SPATA13: variants seen among roughly 807,000 people sequenced by gnomAD.
SPATA13 encodes spermatogenesis associated 13.
A neutral mutation model predicts 104.0 loss-of-function variants in SPATA13; 50 were observed. The ratio of observed to expected loss-of-function variants is 0.48; its 90% CI spans 0.38 to 0.61. SPATA13 has a LOEUF of 0.61. Ranked by LOEUF, SPATA13 falls within the 20% of genes least tolerant of loss-of-function variation. SPATA13 has a pLI of 0.00. For synonymous variants in SPATA13, 606 were observed against 667.5 expected (o/e 0.91, Z 1.42); for missense variants, 1,524 against 1,690.6 (o/e 0.90, Z 1.73).
At chr13:24,202,070 CTAAA>C (rs67125164) in intron 1 of SPATA13, among the ~76,000 whole-genome samples, 210 of 151,302 alleles carry the variant, frequency 1.4e-3, no homozygotes, top group African/African-American at 4.9e-3. Flanking sequence ...AAGACTCTGT[CTAAA>C]TAAATAAATA....
At position 24,302,579 on chromosome 13, in the gene SPATA13, C is replaced by T. The variant is rs1221046066; in HGVS notation, c.3659-19C>T. 3 of 1,554,854 alleles carry T rather than the reference C, an allele frequency of 1.9e-6. No homozygotes were observed. In the African/African-American group the frequency reaches 4.1e-5, roughly 21 times the overall value. On this transcript the variant is annotated intron_variant, in intron 12 of 12. Transcript: ENST00000382108. ...GCGACCCTCAGTCCCTGTTCCATCT[C>T]TCTCCCCTCCCGAGTCAGGCTACAA...
intron 3 of SPATA13, among the ~76,000 whole-genome samples, chr13:24,130,308 G>T (rs893517954): frequency 6.6e-6 from 1 of 152,146 alleles, no homozygotes; most frequent in Non-Finnish European, 1.5e-5. Context: ...AGTTCTTCTC[G>T]TTCCCAGTGT....
chr13:24,228,108 CTTTTTT>C (rs71186818), intron 2 of SPATA13, among the ~76,000 whole-genome samples: 5,534 of 102,154 alleles, frequency 0.054, 142 homozygotes, highest in Middle Eastern at 0.1. Context: ...CTCTTGTACT[CTTTTTT>C]TTTTTTTTTT....
rs147745718 is a variant in SPATA13 at position 24,258,483 on chromosome 13, A to G, written c.2164+6621A>G. ...CAAGTTTGAGACCAGCCTGGCCAAC[A>G]TGGCAAAACCCCATCTCTACTAAAA... On this transcript the variant is annotated intron_variant, in intron 4 of 12. Transcript: ENST00000382108. Among the ~76,000 whole-genome samples, 942 of 152,178 alleles carry G rather than the reference A, an allele frequency of 6.2e-3. 15 individuals are homozygous for G. The highest frequency in any genetic ancestry group is 0.021 in the African/African-American group (861 of 41,514).
intron 3 of SPATA13, among the ~76,000 whole-genome samples, chr13:24,150,939 G>A (rs1882083205): frequency 6.6e-6 from 1 of 152,090 alleles, no homozygotes; most frequent in Admixed American, 6.5e-5. Context: ...TTGACTGGGC[G>A]CCATGGCCCA....
intron 1 of SPATA13, among the ~76,000 whole-genome samples, chr13:24,200,157 GA>G: frequency 6.6e-6 from 1 of 152,136 alleles, no homozygotes; most frequent in East Asian, 1.9e-4. Flanking sequence ...ACAGTTTGAT[GA>G]ATACTATTGT....
intron 3 of SPATA13, among the ~76,000 whole-genome samples, chr13:24,154,390 T>C (rs1374547952): frequency 6.6e-6 from 1 of 152,150 alleles, no homozygotes; most frequent in Admixed American, 6.5e-5. Context: ...CATGGATGAA[T>C]CTCAGACATA....
chr13:24,123,139 C>G, intron 3 of SPATA13: 1 of 1,084,272 alleles, frequency 9.2e-7, no homozygotes, highest in Non-Finnish European at 1.4e-6. Context: ...TCATCATTTT[C>G]TGTTTCTCTG....
At chr13:23,980,023 T>G (rs1338708795) in intron 1 of SPATA13, 2 of 152,324 alleles carry the variant, frequency 1.3e-5, no homozygotes, top group African/African-American at 4.8e-5. Flanking sequence ...GTGGAACATT[T>G]TTTTCCTGAA....
chr13:24,126,013 C>G (rs1923912), intron 3 of SPATA13, among the ~76,000 whole-genome samples: 102,386 of 152,058 alleles, frequency 0.67, 35,093 homozygotes, highest in East Asian at 0.93. Context: ...TGGGGAGGTA[C>G]GAATAGAGCA....
In SPATA13 at chr13:24,224,545, G is replaced by A. The variant is rs551160949; in HGVS notation, c.1616G>A (p.Gly539Asp). The A allele has an allele frequency of 6.5e-7, 1 of 1,542,804 alleles. No homozygotes were observed. The highest frequency in any genetic ancestry group is 1.4e-5 in the African/African-American group (1 of 73,176). ...AGCAAGGACCTTCTGGTGAACATTG[G>A]TGTGGCAGCCGGCCCAGAAGAAAAG... ...EGSKDLLVNI[G>D]VAAGPEEKEK... Residue 539 changes from glycine to aspartate, a missense_variant, in exon 2 of 13, where the codon GGT becomes GAT. By Grantham distance (94) the Gly-to-Asp change is moderately conservative. Around this residue, in one of 2 missense-constraint regions of SPATA13, gnomAD observed 1,089 missense variants for 1,135.9 expected, o/e 0.96. Coordinates refer to ENST00000382108, the MANE Select transcript of SPATA13 (RefSeq NM_001166271.3).
intron 1 of SPATA13, among the ~76,000 whole-genome samples, chr13:24,194,776 C>T (rs953282218): frequency 3.3e-5 from 5 of 152,254 alleles, no homozygotes; most frequent in Middle Eastern, 3.4e-3. Flanking sequence ...CCTCACTTGT[C>T]GGAATTTAAT....
chr13:24,249,914 C>G, intron 3 of SPATA13, 72 bp downstream of exon 3: 1 of 1,509,888 alleles, frequency 6.6e-7, no homozygotes, highest in Non-Finnish European at 8.9e-7. Flanking sequence ...TGTCTGCACA[C>G]TAAACTGGAT....
At position 24,117,958 on chromosome 13, in the gene SPATA13, C is replaced by CA. The variant is rs891733152; in HGVS notation, c.-112+100265dup. On this transcript the variant is annotated intron_variant, in intron 3 of 14. Coordinates refer to the SPATA13 transcript ENST00000424834. ...ACATTGTAACGATTATTTCACTTTTCAAAAAAAATGGCATTAGAAAAACTT... is the reference window on the plus strand; with the variant it reads ...ACATTGTAACGATTATTTCACTTTTCAAAAAAAAATGGCATTAGAAAAACTT... Among the ~76,000 whole-genome samples, 8 of 151,736 alleles carry CA rather than the reference C, an allele frequency of 5.3e-5. 1 individual carries two copies. Among genetic ancestry groups the CA allele is most frequent in the Middle Eastern group, 6.3e-3 (2 of 316 alleles).
chr13:24,037,479 C>T (rs1877738335), intron 3 of SPATA13, among the ~76,000 whole-genome samples: 1 of 152,108 alleles, frequency 6.6e-6, no homozygotes, highest in Non-Finnish European at 1.5e-5. Flanking sequence ...ATGATCTCAG[C>T]TCACTGCAAC....
chr13:24,238,048 G>A (rs986526515), intron 2 of SPATA13, among the ~76,000 whole-genome samples: 2 of 146,218 alleles, frequency 1.4e-5, no homozygotes, highest in Admixed American at 6.9e-5. Context: ...GTGATGTGCT[G>A]TAGGTTAAGG....
chr13:24,017,592 G>A (rs922923649), intron 2 of SPATA13: 3 of 758,152 alleles, frequency 4.0e-6, no homozygotes, highest in Non-Finnish European at 4.8e-6. Flanking sequence ...ACCCTGTCTG[G>A]CATTCCGATT....
At position 24,304,636 on chromosome 13, in the gene SPATA13, C is replaced by T. The variant is rs1271916473; in HGVS notation, c.*1863C>T. ...ATCAAGAAAACATAACCTTGGTCCT[C>T]AGGTGAACCCTTGGAACATTCTGTG... On this transcript the variant is annotated 3_prime_UTR_variant, in exon 13 of 13. Transcript: ENST00000382108. 2 of 152,286 alleles carry T rather than the reference C, an allele frequency of 1.3e-5. No individual in the cohort carries two copies. Among genetic ancestry groups the T allele is most frequent in the Non-Finnish European group, 2.9e-5 (2 of 68,072 alleles). 9.4% of individuals were successfully genotyped at this position (152,286 alleles called of 1,614,324 possible).
rs1184111155 is a variant in SPATA13 at position 24,052,178 on chromosome 13, G to A, written c.-112+34477G>A. Among the ~76,000 whole-genome samples the A allele has an allele frequency of 2.0e-5, 3 of 152,306 alleles. No homozygotes were observed. The South Asian group carries it at 6.2e-4, about 32-fold the overall frequency. On this transcript the variant is annotated intron_variant, in intron 3 of 14. Transcript: ENST00000424834. ...GAAGCACGGTTCTCAAGAATCGCAG[G>A]CCTCGGGCACAATTTGAGCTCCAAG...
Sources: gnomAD v4.1 joint callset for allele counts (sites outside exome capture counted in the v4.1 genomes callset) on GRCh38, gnomAD v4.1.1 for gene constraint, gnomAD v4.1.1 regional missense constraint, MANE v1.5 for transcripts, NCBI Gene and HGNC (gene_info 2026-07-23, HGNC 2026-07-21) for gene names.